Variants in CHST8 observed in about 807,000 individuals in gnomAD.
CHST8 encodes the protein carbohydrate sulfotransferase 8.
In CHST8, 10 loss-of-function variants were observed where a neutral mutation model predicts 15.0. The observed-to-expected ratio is 0.67, with a 90% confidence interval of 0.41 to 1.13. The LOEUF (loss-of-function observed/expected upper bound fraction) is 1.13, where lower values mean the gene tolerates loss of function less well. Ranked by LOEUF, CHST8 falls within the 50% of genes most tolerant of loss-of-function variation. The pLI, the probability that CHST8 is intolerant of heterozygous loss-of-function variation, is 0.00. For missense variants in CHST8, 634 were observed against 608.2 expected (o/e 1.04, Z -0.45); for synonymous variants, 259 against 256.6 (o/e 1.01, Z -0.09).
At chr19:33,743,748 A>G (rs1599610086) in intron 3 of CHST8, among the ~76,000 whole-genome samples, 1 of 151,362 alleles carries the variant, frequency 6.6e-6, no homozygotes, top group Non-Finnish European at 1.5e-5. Context: ...ATCCTCCCTT[A>G]TCAATTACTG....
At chr19:33,745,441 C>T (rs1974295840) in intron 3 of CHST8, among the ~76,000 whole-genome samples, 1 of 152,264 alleles carries the variant, frequency 6.6e-6, no homozygotes, top group African/African-American at 2.4e-5. Context: ...TGTGCTCCAC[C>T]TACCACCAAT....
At chr19:33,678,323 C>A (rs564789311) in intron 2 of CHST8, among the ~76,000 whole-genome samples, 1 of 152,180 alleles carries the variant, frequency 6.6e-6, no homozygotes, top group African/African-American at 2.4e-5. Context: ...CTAAATGAGA[C>A]CTGTTTTTCC....
At chr19:33,662,611 A>G (rs1346490393) in intron 1 of CHST8, among the ~76,000 whole-genome samples, 1 of 152,170 alleles carries the variant, frequency 6.6e-6, no homozygotes, top group African/African-American at 2.4e-5. Context: ...TGACCAGCGC[A>G]TGGTGAGTGC....
chr19:33,751,148 T>C (rs553336663), intron 3 of CHST8, among the ~76,000 whole-genome samples: 1 of 152,140 alleles, frequency 6.6e-6, no homozygotes, highest in Non-Finnish European at 1.5e-5. Flanking sequence ...TCCCAGCAGA[T>C]GTTGGGGATG....
chr19:33,675,023 T>C (rs768970373), intron 2 of CHST8, among the ~76,000 whole-genome samples: 2 of 152,102 alleles, frequency 1.3e-5, no homozygotes, highest in African/African-American at 4.8e-5. Context: ...GATGGAGCCG[T>C]AGAGACACAC....
intron 2 of CHST8, among the ~76,000 whole-genome samples, chr19:33,683,011 G>A (rs907832685): frequency 2.0e-5 from 3 of 152,178 alleles, no homozygotes; most frequent in Non-Finnish European, 4.4e-5. Context: ...CGGTCACATG[G>A]CAAGAGAAAC....
In CHST8 at chr19:33,659,139, C is replaced by T. The variant is rs188666796; in HGVS notation, c.-163-8628C>T. On this transcript the variant is annotated intron_variant, in intron 1 of 4. Transcript: ENST00000650847. ...GGAGTGCAGTGGCACAATCTCGGCT[C>T]ACTGTAGCCTCCGCCTCCCGGGTTC... is the stretch of plus-strand genomic sequence containing the variant. 2.9e-5 allele frequency among the ~76,000 whole-genome samples: 4 copies of T among 137,012 alleles called. No homozygotes were observed. In the East Asian group the frequency reaches 9.0e-4, roughly 31 times the overall value. The allele number at this position is 137,012 out of a possible 152,430, so 89.9% of individuals were successfully genotyped here. A position where few individuals can be genotyped will look rare whatever the true frequency, so the allele number is the denominator to read the frequency against.
At chr19:33,748,453 G>A (rs144318961) in intron 3 of CHST8, among the ~76,000 whole-genome samples, 96 of 152,342 alleles carry the variant, frequency 6.3e-4, no homozygotes, top group African/African-American at 2.0e-3. Flanking sequence ...GCTCATGGCC[G>A]TGTCGCCCCA....
chr19:33,676,755 T>C (rs889941452), intron 2 of CHST8, among the ~76,000 whole-genome samples: 3 of 151,700 alleles, frequency 2.0e-5, no homozygotes, highest in Non-Finnish European at 4.4e-5. Flanking sequence ...CATGTACCTG[T>C]GGTCCCAGCT....
At chr19:33,655,318 T>C (rs887675017) in intron 1 of CHST8, among the ~76,000 whole-genome samples, 2 of 152,232 alleles carry the variant, frequency 1.3e-5, no homozygotes, top group East Asian at 3.8e-4. Flanking sequence ...ATTACAGGCA[T>C]GAGCCACCGC....
intron 2 of CHST8, among the ~76,000 whole-genome samples, chr19:33,680,201 G>T (rs539217217): frequency 6.6e-6 from 1 of 152,360 alleles, no homozygotes; most frequent in East Asian, 1.9e-4. Context: ...AGGTTATTGT[G>T]TGAAAGCTAA....
At chr19:33,743,348 G>A (rs1286226408) in intron 3 of CHST8, among the ~76,000 whole-genome samples, 1 of 128,160 alleles carries the variant, frequency 7.8e-6, no homozygotes, top group Non-Finnish European at 1.6e-5. Flanking sequence ...TACCCAGGTT[G>A]GAGTGCAGTG....
At chr19:33,658,209 G>A (rs1404595764) in intron 1 of CHST8, among the ~76,000 whole-genome samples, 1 of 152,156 alleles carries the variant, frequency 6.6e-6, no homozygotes, top group African/African-American at 2.4e-5. Context: ...GTGTGGTGCT[G>A]TGCACCTGTG....
chr19:33,752,431 T>G (rs1428952661), intron 3 of CHST8, among the ~76,000 whole-genome samples: 2 of 131,026 alleles, frequency 1.5e-5, no homozygotes, highest in Non-Finnish European at 2.9e-5. Context: ...CTTTATCTCT[T>G]GTTGTCATGG....
chr19:33,725,487 G>A (rs893409804), intron 3 of CHST8, among the ~76,000 whole-genome samples: 12 of 152,180 alleles, frequency 7.9e-5, no homozygotes, highest in South Asian at 6.2e-4. Context: ...GCCTCGAGGC[G>A]CCAGTACCAG....
At chr19:33,748,953 T>C (rs540060814) in intron 3 of CHST8, among the ~76,000 whole-genome samples, 1 of 152,182 alleles carries the variant, frequency 6.6e-6, no homozygotes, top group East Asian at 1.9e-4. Context: ...GGAGTGAGGC[T>C]GGGAAGCTCC....
chr19:33,722,146 C>A (rs765559529), intron 3 of CHST8, among the ~76,000 whole-genome samples: 3 of 137,584 alleles, frequency 2.2e-5, no homozygotes, highest in Non-Finnish European at 4.6e-5. Context: ...GATGGATGGA[C>A]AGATAGATGG....
chr19:33,697,904 G>A (rs945378314), intron 3 of CHST8, among the ~76,000 whole-genome samples: 3 of 152,222 alleles, frequency 2.0e-5, no homozygotes, highest in Non-Finnish European at 4.4e-5. Flanking sequence ...GCAGGCCCTT[G>A]CAGTGTGGTA....
intron 3 of CHST8, among the ~76,000 whole-genome samples, chr19:33,704,248 C>G (rs1245529684): frequency 6.6e-6 from 1 of 152,220 alleles, no homozygotes; most frequent in Non-Finnish European, 1.5e-5. Context: ...AAGGCTGCTC[C>G]TGGCATTCCT....
Sources: gnomAD v4.1 joint callset for allele counts (sites outside exome capture counted in the v4.1 genomes callset) on GRCh38, gnomAD v4.1.1 for gene constraint, MANE v1.5 for transcripts, NCBI Gene and HGNC (gene_info 2026-07-23, HGNC 2026-07-21) for gene names.